Variants in BICRAL observed in about 807,000 individuals in gnomAD.
BICRAL encodes BICRA like chromatin remodeling complex associated protein, also known as BRD4-interacting chromatin-remodeling complex-associated protein-like.
BICRAL carries 8 observed loss-of-function variants against 91.8 expected under a neutral mutation model. That is an observed-to-expected ratio of 0.09 (90% CI 0.05 to 0.16). BICRAL has a LOEUF of 0.16. BICRAL is among the 10% of genes least tolerant of loss of function. BICRAL has a pLI of 1.00. For synonymous variants in BICRAL, 445 were observed against 491.1 expected (o/e 0.91, Z 1.24); for missense variants, 1,038 against 1,310.9 (o/e 0.79, Z 3.21).
At chr6:42,815,782 G>C (rs1000517593) in intron 2 of BICRAL, among the ~76,000 whole-genome samples, 1 of 150,790 alleles carries the variant, frequency 6.6e-6, no homozygotes, top group Non-Finnish European at 1.5e-5. Context: ...GAGGTCAGGA[G>C]TTCGAGACTA....
intron 6 of BICRAL, among the ~76,000 whole-genome samples, chr6:42,836,067 C>G (rs559889804): frequency 6.6e-6 from 1 of 152,280 alleles, no homozygotes; most frequent in East Asian, 1.9e-4. Flanking sequence ...ACTGTAAGTT[C>G]TTTGTATTCC....
In BICRAL at chr6:42,865,946, G is replaced by C; in HGVS notation, c.*500G>C. The stretch of plus-strand genomic sequence containing the variant: ...TTATTATTATTTTGAGTTTTTTTGT[G>C]TGTGTTTTGTTGTTATTGTTGAGGG... On this transcript the variant is annotated 3_prime_UTR_variant, in exon 13 of 13. Transcript: ENST00000314073. 1 of 152,886 alleles carries C rather than the reference G, an allele frequency of 6.5e-6. No homozygotes were observed. 9.5% of individuals were successfully genotyped at this position (152,886 alleles called of 1,614,324 possible). A position where few individuals can be genotyped will look rare whatever the true frequency, so the allele number is the denominator to read the frequency against.
intron 1 of BICRAL, among the ~76,000 whole-genome samples, chr6:42,800,117 T>C (rs1420776635): frequency 6.6e-6 from 1 of 152,132 alleles, no homozygotes; most frequent in Non-Finnish European, 1.5e-5. Context: ...CAGGCTGGAA[T>C]GCAATGGCAC....
intron 2 of BICRAL, among the ~76,000 whole-genome samples, chr6:42,815,270 A>T (rs1346355639): frequency 6.1e-5 from 9 of 148,656 alleles, no homozygotes; most frequent in African/African-American, 2.0e-4. Context: ...GCTCACTGCA[A>T]CCCCCATCTC....
chr6:42,766,248 T>G (rs1762630752), intron 1 of BICRAL, among the ~76,000 whole-genome samples: 2 of 152,158 alleles, frequency 1.3e-5, no homozygotes, highest in South Asian at 4.1e-4. Flanking sequence ...AGTCTCAAGT[T>G]TGCCCAGAGC....
intron 2 of BICRAL, among the ~76,000 whole-genome samples, chr6:42,811,642 C>T (rs1216150310): frequency 6.6e-6 from 1 of 151,172 alleles, no homozygotes; most frequent in East Asian, 1.9e-4. Context: ...AAAAAAAAGC[C>T]TACGTTCCCA....
intron 1 of BICRAL, among the ~76,000 whole-genome samples, chr6:42,747,888 T>TC (rs1349209211): frequency 3.4e-5 from 5 of 149,194 alleles, no homozygotes; most frequent in African/African-American, 1.2e-4. Flanking sequence ...CTCACCGCTA[T>TC]CCGCCTCCCG....
chr6:42,794,411 CTGTGTGTGTGTGTGTGTGTGTGTG>C (rs67384767), intron 1 of BICRAL, among the ~76,000 whole-genome samples: 20 of 146,418 alleles, frequency 1.4e-4, no homozygotes, highest in Admixed American at 1.2e-3. Flanking sequence ...TTCACTTACT[CTGTGTGTGTGTGTGTGTGTGTGTG>C]TGTGTGTGTG....
intron 1 of BICRAL, among the ~76,000 whole-genome samples, chr6:42,797,194 G>A (rs932080706): frequency 2.6e-5 from 4 of 151,782 alleles, no homozygotes; most frequent in Non-Finnish European, 5.9e-5. Context: ...AGATACATAA[G>A]CAGAACTTAT....
chr6:42,793,069 C>G (rs538982735), intron 1 of BICRAL, among the ~76,000 whole-genome samples: 51 of 148,244 alleles, frequency 3.4e-4, no homozygotes, highest in African/African-American at 1.1e-3. Context: ...ATTCTTGTGC[C>G]TCAGCCTCCC....
At chr6:42,833,844 A>AATTATT (rs1259063221) in intron 6 of BICRAL, among the ~76,000 whole-genome samples, 1 of 151,916 alleles carries the variant, frequency 6.6e-6, no homozygotes, top group Non-Finnish European at 1.5e-5. Context: ...AGTGCAAACC[A>AATTATT]ATTATTATTA....
chr6:42,856,766 C>T lies in BICRAL; in HGVS notation c.2109-325C>T, dbSNP rs78068059. ...GAGACAAAGAATCTCTGAGGAAAAG[C>T]GTGGTTTGGTAAACTCCCATGTTTA... On this transcript the variant is annotated intron_variant, in intron 9 of 12. Coordinates refer to ENST00000314073, the MANE Select transcript of BICRAL (RefSeq NM_001393499.1). Among the ~76,000 whole-genome samples, 1,384 of 152,140 alleles carry T rather than the reference C, an allele frequency of 9.1e-3. 7 individuals are homozygous for T. Among genetic ancestry groups the T allele is most frequent in the African/African-American group, 0.012 (499 of 41,522 alleles).
At chr6:42,770,978 G>T (rs567768387) in intron 1 of BICRAL, among the ~76,000 whole-genome samples, 1 of 152,120 alleles carries the variant, frequency 6.6e-6, no homozygotes, top group African/African-American at 2.4e-5. Flanking sequence ...CACCGCACCC[G>T]GCCCTCCCCT....
rs1765665129 is a variant in BICRAL at position 42,864,935 on chromosome 6, G to A, written c.2729G>A (p.Gly910Asp). The change falls in exon 13 of 13, where the codon GGC (glycine) becomes GAC (aspartate). Residue 910 changes from glycine to aspartate, a missense_variant. Physicochemically the swap from Gly to Asp is moderately conservative, Grantham distance 94. Transcript: ENST00000314073. ...LGRALKFDKV[G>D]LVQYQSTSEE... ...AGAGCACTGAAATTTGACAAAGTGG[G>A]CTTAGTGCAGTACCAGAGCACGTCT... 1 of 1,614,166 alleles carries A rather than the reference G, an allele frequency of 6.2e-7. No homozygotes were observed. The highest frequency in any genetic ancestry group is 8.5e-7 in the Non-Finnish European group (1 of 1,180,028).
At chr6:42,763,854 C>T (rs1275757010) in intron 1 of BICRAL, among the ~76,000 whole-genome samples, 1 of 148,386 alleles carries the variant, frequency 6.7e-6, no homozygotes, top group Non-Finnish European at 1.5e-5. Flanking sequence ...AAAAAACGAG[C>T]GTTTTCAAAA....
rs371731299 is a variant in BICRAL at position 42,864,808 on chromosome 6, G to A, written c.2602G>A (p.Gly868Ser). The stretch of plus-strand genomic sequence containing the variant: ...CCAAGGCAGAGACCGAGCCAAAACC[G>A]GTGTGACGGAACCCATGAATCATGA... ...KAQGRDRAKT[G>S]VTEPMNHDQF... The change falls in exon 13 of 13, where the codon GGT (glycine) becomes AGT (serine). Residue 868 changes from glycine (G) to serine (S), a missense_variant. Physicochemically the swap from Gly to Ser is moderately conservative, Grantham distance 56. Around this residue, in one of 5 missense-constraint regions of BICRAL, gnomAD observed 294 missense variants for 292.6 expected, o/e 1.00. Coordinates refer to ENST00000314073, the MANE Select transcript of BICRAL (RefSeq NM_001393499.1). 5.3e-5 allele frequency: 86 copies of A among 1,614,106 alleles called. No individual in the cohort carries two copies. The highest frequency in any genetic ancestry group is 3.2e-4 in the Admixed American group (19 of 59,994).
At chr6:42,853,761 T>C (rs750899513) in intron 8 of BICRAL, 23 bp downstream of exon 8, 2 of 1,451,716 alleles carry the variant, frequency 1.4e-6, no homozygotes, top group Non-Finnish European at 1.9e-6. Context: ...TGGCATAGCC[T>C]CTTCCTAATG....
At chr6:42,761,903 CAA>C (rs1190062431) in intron 1 of BICRAL, among the ~76,000 whole-genome samples, 2 of 132,946 alleles carry the variant, frequency 1.5e-5, no homozygotes. Flanking sequence ...GACCTTGTCT[CAA>C]AAAAAAAAAA....
chr6:42,857,600 T>TAAAAA (rs748078737), intron 10 of BICRAL, among the ~76,000 whole-genome samples: 35 of 101,330 alleles, frequency 3.5e-4, no homozygotes, highest in African/African-American at 1.7e-3. Flanking sequence ...CACTGTCTCT[T>TAAAAA]AAAAAAAAAA....
Sources: gnomAD v4.1 joint callset for allele counts (sites outside exome capture counted in the v4.1 genomes callset) on GRCh38, gnomAD v4.1.1 for gene constraint, gnomAD v4.1.1 regional missense constraint, MANE v1.5 for transcripts, NCBI Gene and HGNC (gene_info 2026-07-23, HGNC 2026-07-21) for gene names.